The following KLHL1 variants were observed in gnomAD, a reference collection of about 807,000 sequenced individuals.
KLHL1 encodes the protein kelch-like protein 1.
KLHL1 carries 47 observed loss-of-function variants against 77.7 expected under a neutral mutation model. The observed-to-expected ratio is 0.60, with a 90% CI of 0.48 to 0.77. The LOEUF is 0.77. Ranked by LOEUF, KLHL1 falls within the 30% of genes least tolerant of loss-of-function variation. KLHL1 has a pLI of 0.00. For missense variants in KLHL1, 925 were observed against 910.8 expected (o/e 1.02, Z -0.20); for synonymous variants, 360 against 325.2 (o/e 1.11, Z -1.15).
At chr13:69,976,483 G>A (rs915147161) in intron 1 of KLHL1, among the ~76,000 whole-genome samples, 14 of 151,834 alleles carry the variant, frequency 9.2e-5, no homozygotes, top group African/African-American at 2.9e-4. Context: ...AATATAGACT[G>A]TTTCAAAAAA....
intron 5 of KLHL1, among the ~76,000 whole-genome samples, chr13:69,841,716 T>C (rs901490110): frequency 4.0e-5 from 6 of 151,784 alleles, no homozygotes; most frequent in African/African-American, 1.4e-4. Flanking sequence ...TTCTAAAATA[T>C]ATATAAAACA....
chr13:69,948,366 T>G (rs1277657713), intron 3 of KLHL1, among the ~76,000 whole-genome samples: 2 of 152,098 alleles, frequency 1.3e-5, no homozygotes, highest in Non-Finnish European at 2.9e-5. Context: ...CATGCTGCCT[T>G]GGCAAAAATT....
intron 4 of KLHL1, among the ~76,000 whole-genome samples, chr13:69,898,775 A>G (rs1881741869): frequency 6.6e-6 from 1 of 152,206 alleles, no homozygotes; most frequent in Non-Finnish European, 1.5e-5. Context: ...AATTAAAAAT[A>G]AAAAACTATC....
At chr13:69,803,487 T>G (rs1284279773) in intron 6 of KLHL1, among the ~76,000 whole-genome samples, 1 of 152,202 alleles carries the variant, frequency 6.6e-6, no homozygotes, top group African/African-American at 2.4e-5. Context: ...TTAAAAAATT[T>G]CCCTTCCTGA....
intron 4 of KLHL1, among the ~76,000 whole-genome samples, chr13:69,910,296 T>C (rs1157516382): frequency 6.6e-6 from 1 of 152,120 alleles, no homozygotes; most frequent in African/African-American, 2.4e-5. Context: ...TGTTATGTTG[T>C]TGAAGTCATT....
intron 2 of KLHL1, among the ~76,000 whole-genome samples, chr13:69,962,072 A>T (rs61159451): frequency 0.047 from 7,071 of 152,042 alleles, 424 homozygotes; most frequent in East Asian, 0.27. Context: ...GAGACTTGAC[A>T]TAATTTTCAT....
intron 5 of KLHL1, among the ~76,000 whole-genome samples, chr13:69,881,979 T>C (rs1881012464): frequency 6.6e-6 from 1 of 152,062 alleles, no homozygotes; most frequent in African/African-American, 2.4e-5. Flanking sequence ...ATCTAATGGA[T>C]CTTCACAAAA....
intron 4 of KLHL1, among the ~76,000 whole-genome samples, chr13:69,933,206 A>G (rs1182504325): frequency 2.0e-5 from 3 of 152,120 alleles, no homozygotes; most frequent in Admixed American, 6.6e-5. Flanking sequence ...AGTTACTAAG[A>G]CCACGAAGGC....
chr13:70,045,609 G>A (rs1245305144), intron 1 of KLHL1, among the ~76,000 whole-genome samples: 1 of 151,764 alleles, frequency 6.6e-6, no homozygotes, highest in African/African-American at 2.4e-5. Context: ...ATCCTCTTTG[G>A]ACTTCTAAAG....
At chr13:69,988,848 G>C (rs1327597291) in intron 1 of KLHL1, among the ~76,000 whole-genome samples, 1 of 151,906 alleles carries the variant, frequency 6.6e-6, no homozygotes, top group South Asian at 2.1e-4. Flanking sequence ...ATAGATTGTG[G>C]ATATTAGAGC....
At chr13:70,047,984 T>C (rs1886543452) in intron 1 of KLHL1, among the ~76,000 whole-genome samples, 1 of 152,140 alleles carries the variant, frequency 6.6e-6, no homozygotes, top group Admixed American at 6.5e-5. Context: ...AATAAGTCAT[T>C]GATGAGATAT....
At chr13:69,759,167 A>C (rs959124716) in intron 7 of KLHL1, among the ~76,000 whole-genome samples, 1 of 152,140 alleles carries the variant, frequency 6.6e-6, no homozygotes, top group African/African-American at 2.4e-5. Context: ...CTGTTGACCA[A>C]GGCACAGAGT....
At chr13:69,780,689 T>TATATAC (rs1364836274) in intron 7 of KLHL1, among the ~76,000 whole-genome samples, 2 of 6,282 alleles carry the variant, frequency 3.2e-4, no homozygotes, top group African/African-American at 4.3e-4. Flanking sequence ...TTTCTTCATA[T>TATATAC]ATATATATAT....
Position 70,107,334 on chromosome 13 carries a change from C to T in KLHL1, c.366G>A (p.Val122=). Residue 122 remains valine, a synonymous_variant, in exon 1 of 11, where the codon GTG becomes GTA. Transcript: ENST00000377844. ...TQQPARTLFY[V]ESLEEEVVPG... Reference sequence around the variant, plus strand: ...GCACCACCTCCTCCTCTAGTGACTCCACGTAGAAGAGAGTCCTGGCTGGCT... The same window carrying T: ...GCACCACCTCCTCCTCTAGTGACTCTACGTAGAAGAGAGTCCTGGCTGGCT... 6.2e-7 allele frequency: 1 copy of T among 1,614,124 alleles called. No homozygotes were observed. The highest frequency in any genetic ancestry group is 8.5e-7 in the Non-Finnish European group (1 of 1,180,012).
At chr13:69,830,547 GA>G in intron 6 of KLHL1, among the ~76,000 whole-genome samples, 1 of 150,138 alleles carries the variant, frequency 6.7e-6, no homozygotes, top group Non-Finnish European at 1.5e-5. Context: ...CATCAAGACA[GA>G]AAGTCAACAA....
chr13:70,006,499 CAA>C (rs1885408353), intron 1 of KLHL1, among the ~76,000 whole-genome samples: 1 of 103,150 alleles, frequency 9.7e-6, no homozygotes, highest in Non-Finnish European at 1.9e-5. Context: ...TATTCCCCCT[CAA>C]GTTTTTTTTT....
intron 1 of KLHL1, among the ~76,000 whole-genome samples, chr13:70,012,919 TA>T (rs1885573635): frequency 6.6e-6 from 1 of 151,610 alleles, no homozygotes; most frequent in African/African-American, 2.4e-5. Context: ...ATAATAATAA[TA>T]AATAAATATC....
chr13:69,931,696 AAACTT>A, intron 4 of KLHL1, among the ~76,000 whole-genome samples: 1 of 151,760 alleles, frequency 6.6e-6, no homozygotes, highest in East Asian at 1.9e-4. Flanking sequence ...AATGAAATGA[AAACTT>A]AACTAAGGAT....
At chr13:69,817,751 A>G (rs1379688593) in intron 6 of KLHL1, among the ~76,000 whole-genome samples, 1 of 152,192 alleles carries the variant, frequency 6.6e-6, no homozygotes, top group African/African-American at 2.4e-5. Flanking sequence ...TATGTTTATT[A>G]TCATTTGCTG....
Sources: allele counts gnomAD v4.1 joint callset (sites outside exome capture counted in the v4.1 genomes callset), GRCh38; gene constraint gnomAD v4.1.1; transcripts MANE v1.5; gene names NCBI Gene and HGNC (gene_info 2026-07-23, HGNC 2026-07-21).